PDE3B: variants seen among roughly 807,000 people sequenced by gnomAD.
PDE3B encodes the protein cGMP-inhibited 3',5'-cyclic phosphodiesterase 3B.
PDE3B carries 66 observed loss-of-function variants against 116.8 expected under a neutral mutation model. The ratio of observed to expected loss-of-function variants is 0.56; its 90% CI spans 0.46 to 0.69. PDE3B has a LOEUF of 0.69. Among genes scored for constraint, PDE3B ranks in the 30% least tolerant of loss-of-function variants. The pLI, the probability that PDE3B is intolerant of heterozygous loss-of-function variation, is 0.00. For synonymous variants in PDE3B, 595 were observed against 533.6 expected (o/e 1.12, Z -1.59); for missense variants, 1,384 against 1,368.1 (o/e 1.01, Z -0.18).
intron 1 of PDE3B, among the ~76,000 whole-genome samples, chr11:14,659,781 AT>A (rs1853834771): frequency 6.6e-6 from 1 of 152,174 alleles, no homozygotes; most frequent in African/African-American, 2.4e-5. Flanking sequence ...ATTCAAACAC[AT>A]TTTTGCTGTG....
At chr11:14,891,405 A>G in the PDE3B span, 2 of 985,808 alleles carry the variant, frequency 2.0e-6, no homozygotes, top group African/African-American at 1.7e-5. Context: ...TTAGTCATCA[A>G]TTCATTCACG....
At chr11:14,674,638 C>G (rs1303870120) in intron 1 of PDE3B, 1 of 295,506 alleles carries the variant, frequency 3.4e-6, no homozygotes. Flanking sequence ...TAACAATCTT[C>G]TAAAGTTGCT....
intron 2 of PDE3B, among the ~76,000 whole-genome samples, chr11:14,783,803 G>A (rs1462652213): frequency 6.6e-6 from 1 of 152,022 alleles, no homozygotes; most frequent in African/African-American, 2.4e-5. Context: ...GTGAAATGAA[G>A]GAAAACAAAA....
At chr11:14,778,052 G>T (rs989469613) in intron 2 of PDE3B, among the ~76,000 whole-genome samples, 1 of 152,134 alleles carries the variant, frequency 6.6e-6, no homozygotes, top group African/African-American at 2.4e-5. Context: ...CCACACCCAC[G>T]GAACCTCGCT....
intron 1 of PDE3B, among the ~76,000 whole-genome samples, chr11:14,763,778 A>G (rs1462038031): frequency 1.3e-5 from 2 of 152,118 alleles, no homozygotes; most frequent in Non-Finnish European, 2.9e-5. Context: ...GTCTAGGTAG[A>G]TACTTTCCAT....
intron 12 of PDE3B, among the ~76,000 whole-genome samples, chr11:14,848,019 G>C (rs1441521193): frequency 6.6e-6 from 1 of 151,794 alleles, no homozygotes; most frequent in Non-Finnish European, 1.5e-5. Context: ...ACCAAAGCCT[G>C]GCAGAGACAC....
chr11:14,659,893 T>C (rs1487910264), intron 1 of PDE3B, among the ~76,000 whole-genome samples: 3 of 152,224 alleles, frequency 2.0e-5, no homozygotes, highest in Non-Finnish European at 4.4e-5. Context: ...TTTTAAAAAT[T>C]AGTAAACATG....
At position 14,643,820 on chromosome 11, in the gene PDE3B, C is replaced by G. The variant is rs553317067; in HGVS notation, c.-256C>G. ...TGAGTCTCCAGTCCCGAGAGGTGCC[C>G]GAGGGAAAAGGAGGCGGCAGCTAAA... On this transcript the variant is annotated 5_prime_UTR_variant, in exon 1 of 16. Coordinates refer to ENST00000282096, the MANE Select transcript of PDE3B (RefSeq NM_000922.4). 1.3e-5 allele frequency: 6 copies of G among 445,842 alleles called. No homozygotes were observed. In the East Asian group the frequency reaches 2.2e-4, roughly 16 times the overall value. 27.6% of individuals were successfully genotyped at this position (445,842 alleles called of 1,614,324 possible).
At chr11:14,735,161 A>G (rs916732931) in intron 1 of PDE3B, among the ~76,000 whole-genome samples, 50 of 152,182 alleles carry the variant, frequency 3.3e-4, no homozygotes, top group Non-Finnish European at 2.9e-5. Context: ...TTGAGAAGGA[A>G]TGGGCATTGG....
chr11:14,761,578 T>C (rs554522036), intron 1 of PDE3B, among the ~76,000 whole-genome samples: 2 of 152,198 alleles, frequency 1.3e-5, no homozygotes, highest in Non-Finnish European at 2.9e-5. Context: ...GGAAAAGTTA[T>C]TTTGCCTATT....
intron 1 of PDE3B, among the ~76,000 whole-genome samples, chr11:14,707,150 C>A (rs552090989): frequency 2.6e-5 from 4 of 151,792 alleles, no homozygotes; most frequent in Non-Finnish European, 4.4e-5. Context: ...GTAGAACATG[C>A]CTGGAAGGAC....
chr11:14,666,682 A>T (rs1375250049), intron 1 of PDE3B, among the ~76,000 whole-genome samples: 2 of 151,154 alleles, frequency 1.3e-5, no homozygotes, highest in Non-Finnish European at 1.5e-5. Flanking sequence ...CACATGAAAA[A>T]ATGCTCATCA....
chr11:14,817,417 TTAGAAC>T (rs1270020833), intron 5 of PDE3B, among the ~76,000 whole-genome samples: 1 of 152,130 alleles, frequency 6.6e-6, no homozygotes, highest in Non-Finnish European at 1.5e-5. Flanking sequence ...CACATGTACC[TTAGAAC>T]TTAAAGTATA....
intron 12 of PDE3B, among the ~76,000 whole-genome samples, chr11:14,856,443 A>C (rs1847852122): frequency 6.6e-6 from 1 of 152,146 alleles, no homozygotes; most frequent in African/African-American, 2.4e-5. Context: ...CAACAAAACT[A>C]GCTGCTTTGT....
At chr11:14,691,839 T>C (rs1449139282) in intron 1 of PDE3B, among the ~76,000 whole-genome samples, 3 of 152,224 alleles carry the variant, frequency 2.0e-5, no homozygotes, top group South Asian at 2.1e-4. Context: ...AGGACACTTA[T>C]ATGTTGCTTT....
chr11:14,694,738 T>A (rs1720048686), intron 1 of PDE3B, among the ~76,000 whole-genome samples: 1 of 152,172 alleles, frequency 6.6e-6, no homozygotes, highest in South Asian at 2.1e-4. Flanking sequence ...CAGAACCACA[T>A]TTACAGTATC....
intron 5 of PDE3B, among the ~76,000 whole-genome samples, chr11:14,804,607 T>C (rs1374877935): frequency 2.6e-5 from 4 of 152,132 alleles, no homozygotes; most frequent in Non-Finnish European, 5.9e-5. Flanking sequence ...ATTTTGTGAT[T>C]GGGATATACA....
At chr11:14,810,326 C>T (rs1272798620) in intron 5 of PDE3B, among the ~76,000 whole-genome samples, 1 of 117,558 alleles carries the variant, frequency 8.5e-6, no homozygotes, top group Non-Finnish European at 1.7e-5. Flanking sequence ...CCTCCCCCCA[C>T]CCCACAACAG....
At chr11:14,746,141 C>T (rs142997054) in intron 1 of PDE3B, among the ~76,000 whole-genome samples, 101 of 152,332 alleles carry the variant, frequency 6.6e-4, no homozygotes, top group Non-Finnish European at 1.2e-3. Context: ...TGCCTGTAAT[C>T]CCCTCACTTT....
Sources: gnomAD v4.1 joint callset for allele counts (sites outside exome capture counted in the v4.1 genomes callset) on GRCh38, gnomAD v4.1.1 for gene constraint, MANE v1.5 for transcripts, NCBI Gene and HGNC (gene_info 2026-07-23, HGNC 2026-07-21) for gene names.